The following DNM1L variants were observed in gnomAD, a reference collection of about 807,000 sequenced individuals.
DNM1L encodes dynamin-1-like protein.
Under a neutral mutation model 92.8 loss-of-function variants are expected in DNM1L, and 33 were observed. The ratio of observed to expected loss-of-function variants is 0.36; its 90% CI spans 0.27 to 0.48. The LOEUF (loss-of-function observed/expected upper bound fraction) is 0.48. DNM1L is among the 20% of genes least tolerant of loss of function. The probability of loss-of-function intolerance (pLI) is 0.99; values close to 1 mark genes in which losing one functional copy is unlikely to be tolerated. For synonymous variants in DNM1L, 284 were observed against 305.0 expected, an observed-to-expected ratio of 0.93 and a Z score of 0.72; for missense variants, 485 against 888.8, an observed-to-expected ratio of 0.55 and a Z score of 5.78.
intron 5 of DNM1L, among the ~76,000 whole-genome samples, chr12:32,712,600 T>C (rs1953171542): frequency 7.6e-6 from 1 of 131,362 alleles, no homozygotes; most frequent in Non-Finnish European, 1.5e-5. Flanking sequence ...CAGTGAGCTA[T>C]GATCGCACCA....
chr12:32,710,362 C>A (rs572651795), intron 4 of DNM1L, among the ~76,000 whole-genome samples: 1 of 152,268 alleles, frequency 6.6e-6, no homozygotes, highest in African/African-American at 2.4e-5. Context: ...GTGAGGAATA[C>A]ATTATTCTTT....
chr12:32,700,717 G>T (rs1952667183), intron 1 of DNM1L, among the ~76,000 whole-genome samples: 1 of 152,068 alleles, frequency 6.6e-6, no homozygotes, highest in Admixed American at 6.5e-5. Context: ...CTGCACTCTA[G>T]CCTGGGTAAT....
intron 1 of DNM1L, among the ~76,000 whole-genome samples, chr12:32,688,039 C>T (rs1350432496): frequency 6.6e-6 from 1 of 152,160 alleles, no homozygotes; most frequent in Non-Finnish European, 1.5e-5. Flanking sequence ...GATCCAACCA[C>T]CTCAGGCTGC....
At chr12:32,714,421 T>C (rs985211285) in intron 6 of DNM1L, among the ~76,000 whole-genome samples, 21 of 151,674 alleles carry the variant, frequency 1.4e-4, no homozygotes, top group African/African-American at 4.1e-4. Context: ...TACAGGCGCC[T>C]GCCACCACGC....
chr12:32,733,458 A>G, intron 12 of DNM1L: 1 of 430,206 alleles, frequency 2.3e-6, no homozygotes, highest in Non-Finnish European at 4.2e-6. Flanking sequence ...AGAGTAAAAT[A>G]CTTGTAGTTA....
intron 1 of DNM1L, among the ~76,000 whole-genome samples, chr12:32,687,663 T>A (rs1466035653): frequency 1.3e-5 from 2 of 152,120 alleles, no homozygotes; most frequent in Non-Finnish European, 2.9e-5. Flanking sequence ...TTGGCCAGGC[T>A]GGTCTTGAAC....
intron 9 of DNM1L, among the ~76,000 whole-genome samples, chr12:32,723,798 A>G (rs1953933657): frequency 6.6e-6 from 1 of 152,118 alleles, no homozygotes; most frequent in Non-Finnish European, 1.5e-5. Flanking sequence ...CAGAGTGTCT[A>G]ATCAAAGCAA....
chr12:32,696,117 C>T (rs1041943290), intron 1 of DNM1L, among the ~76,000 whole-genome samples: 3 of 151,760 alleles, frequency 2.0e-5, no homozygotes, highest in Non-Finnish European at 4.4e-5. Flanking sequence ...CAGCACATAC[C>T]TAAGAAAGTG....
chr12:32,733,936 G>A (rs1194595210), intron 13 of DNM1L, 129 bp downstream of exon 13: 2 of 782,304 alleles, frequency 2.6e-6, no homozygotes, highest in African/African-American at 1.7e-5. Flanking sequence ...TGCATGTCAG[G>A]AAATATGCTG....
At chr12:32,726,296 A>C (rs1277397004) in intron 9 of DNM1L, 11 of 1,186,212 alleles carry the variant, frequency 9.3e-6, no homozygotes, top group Non-Finnish European at 3.7e-6. Context: ...CTACCAAGAA[A>C]ATACAAAAAC....
At chr12:32,708,461 A>G (rs1401516018) in intron 4 of DNM1L, among the ~76,000 whole-genome samples, 1 of 152,164 alleles carries the variant, frequency 6.6e-6, no homozygotes, top group Non-Finnish European at 1.5e-5. Context: ...TATAAATCAA[A>G]TATTTTATTT....
rs149911680 is a variant in DNM1L, at chr12:32,680,246, CTG to C, written c.102+783_102+784del. ...GAATGCAGAAATGTTGGCAAAATAA[CTG>C]TTATTTCTAGAGTGACAGAGGAGAA... On this transcript the variant is annotated intron_variant, in intron 1 of 19. Transcript: ENST00000549701. 5.9e-3 allele frequency among the ~76,000 whole-genome samples: 891 copies of C among 152,176 alleles called. 9 individuals are homozygous for C. Among genetic ancestry groups the C allele is most frequent in the African/African-American group, 0.021 (862 of 41,488 alleles).
Position 32,679,382 on chromosome 12 carries a change from G to T in DNM1L, c.19G>T (p.Val7Phe). The T allele has an allele frequency of 6.2e-7, 1 of 1,613,762 alleles. No homozygotes were observed. The highest frequency in any genetic ancestry group is 1.1e-5 in the South Asian group (1 of 91,062). The change falls in exon 1 of 20, where the codon GTC (valine) becomes TTC (phenylalanine). Residue 7 changes from valine (V) to phenylalanine (F), a missense_variant. By Grantham distance (50) the Val-to-Phe change is conservative (BLOSUM62 -1). Around this residue, in one of 11 missense-constraint regions of DNM1L, gnomAD observed 19 missense variants for 16.1 expected, o/e 1.18. Transcript: ENST00000549701. ...CAGAGTCATGGAGGCGCTAATTCCTGTCATAAACAAGCTCCAGGACGTCTT... is the reference window on the plus strand; with the variant it reads ...CAGAGTCATGGAGGCGCTAATTCCTTTCATAAACAAGCTCCAGGACGTCTT... MEALIP[V>F]INKLQDVFNT...
At chr12:32,717,769 T>C (rs563354099) in intron 6 of DNM1L, among the ~76,000 whole-genome samples, 45 of 120,648 alleles carry the variant, frequency 3.7e-4, no homozygotes, top group Non-Finnish European at 5.8e-4. Flanking sequence ...ATAAAAAATA[T>C]ATATACCTAG....
chr12:32,685,904 T>C (rs780309014), intron 1 of DNM1L, among the ~76,000 whole-genome samples: 7 of 152,124 alleles, frequency 4.6e-5, no homozygotes, highest in Admixed American at 1.3e-4. Flanking sequence ...TTATTGACTA[T>C]AATTTAATTC....
intron 1 of DNM1L, among the ~76,000 whole-genome samples, chr12:32,698,333 G>A (rs535137153): frequency 2.0e-5 from 3 of 152,194 alleles, no homozygotes; most frequent in African/African-American, 4.8e-5. Flanking sequence ...AAAAAGTCCC[G>A]GTCTTGATTC....
At chr12:32,719,305 G>T (rs1274788517) in intron 7 of DNM1L, among the ~76,000 whole-genome samples, 3 of 152,166 alleles carry the variant, frequency 2.0e-5, no homozygotes, top group Non-Finnish European at 4.4e-5. Context: ...CAAAATGGAA[G>T]AAATGTTGTA....
intron 6 of DNM1L, among the ~76,000 whole-genome samples, chr12:32,714,714 A>T (rs1953285945): frequency 6.6e-6 from 1 of 151,986 alleles, no homozygotes; most frequent in Non-Finnish European, 1.5e-5. Flanking sequence ...GACTGGGCTC[A>T]GTGGCTCATG....
intron 6 of DNM1L, among the ~76,000 whole-genome samples, chr12:32,716,284 CTT>C (rs1953363194): frequency 1.3e-5 from 2 of 151,858 alleles, no homozygotes; most frequent in Non-Finnish European, 1.5e-5. Context: ...TGACATATCT[CTT>C]GGCATTTGTC....
Sources: gnomAD v4.1 joint callset for allele counts (sites outside exome capture counted in the v4.1 genomes callset) on GRCh38, gnomAD v4.1.1 for gene constraint, gnomAD v4.1.1 regional missense constraint, MANE v1.5 for transcripts, NCBI Gene and HGNC (gene_info 2026-07-23, HGNC 2026-07-21) for gene names.